LSAMP: variants seen among roughly 807,000 people sequenced by gnomAD.
LSAMP encodes the protein limbic system-associated membrane protein.
Under a neutral mutation model 38.6 loss-of-function variants are expected in LSAMP, and 7 were observed. The ratio of observed to expected loss-of-function variants is 0.18; its 90% CI spans 0.10 to 0.34. The LOEUF (loss-of-function observed/expected upper bound fraction) is 0.34. Ranked by LOEUF, LSAMP falls within the 10% of genes least tolerant of loss-of-function variation. The pLI, the probability that LSAMP is intolerant of heterozygous loss-of-function variation, is 1.00. For missense variants in LSAMP, 313 were observed against 420.0 expected, an observed-to-expected ratio of 0.75 and a Z score of 2.23; for synonymous variants, 154 against 166.8, an observed-to-expected ratio of 0.92 and a Z score of 0.59.
chr3:116,219,903 A>G (rs982859125), intron 1 of LSAMP, among the ~76,000 whole-genome samples: 2 of 152,190 alleles, frequency 1.3e-5, no homozygotes, highest in African/African-American at 2.4e-5. Flanking sequence ...AGCCGGGGAC[A>G]GTTGCTCACA....
chr3:116,296,657 T>C (rs1348382059), intron 1 of LSAMP, among the ~76,000 whole-genome samples: 2 of 119,940 alleles, frequency 1.7e-5, no homozygotes, highest in Non-Finnish European at 3.2e-5. Context: ...ATTGCGCCAC[T>C]GCACGCCAGC....
intron 1 of LSAMP, among the ~76,000 whole-genome samples, chr3:116,300,663 G>T (rs745623503): frequency 2.6e-4 from 40 of 152,266 alleles, no homozygotes; most frequent in Non-Finnish European, 4.3e-4. Flanking sequence ...AATACCTGAT[G>T]ATCTGAGACT....
chr3:116,052,256 G>A (rs1941410311), intron 2 of LSAMP, among the ~76,000 whole-genome samples: 1 of 152,080 alleles, frequency 6.6e-6, no homozygotes, highest in Non-Finnish European at 1.5e-5. Context: ...AAGTAGAAGT[G>A]GATGATAAAG....
intron 2 of LSAMP, among the ~76,000 whole-genome samples, chr3:116,040,447 C>T (rs995359276): frequency 9.9e-5 from 15 of 152,176 alleles, no homozygotes; most frequent in African/African-American, 3.6e-4. Context: ...TCATTTTTCC[C>T]TCTACATAAA....
intron 2 of LSAMP, among the ~76,000 whole-genome samples, chr3:116,063,101 G>GTGTGTC (rs1450589240): frequency 2.0e-5 from 3 of 152,132 alleles, no homozygotes; most frequent in African/African-American, 7.2e-5. Flanking sequence ...GTGTGTGTGT[G>GTGTGTC]TGTGTCTGTG....
chr3:116,267,611 CAAA>C (rs59540404), intron 1 of LSAMP, among the ~76,000 whole-genome samples: 25,697 of 140,082 alleles, frequency 0.18, 2,369 homozygotes, highest in Admixed American at 0.24. Context: ...TTTAAGCTGG[CAAA>C]AAAAAAAAAA....
intron 3 of LSAMP, among the ~76,000 whole-genome samples, chr3:115,876,526 CTT>C (rs1215883557): frequency 6.6e-6 from 1 of 151,944 alleles, no homozygotes; most frequent in Non-Finnish European, 1.5e-5. Flanking sequence ...CTATCTTACT[CTT>C]TTACTCCACT....
chr3:115,988,063 C>T (rs1939563931), intron 3 of LSAMP, among the ~76,000 whole-genome samples: 1 of 151,994 alleles, frequency 6.6e-6, no homozygotes. Flanking sequence ...CTTCATGATC[C>T]CATCTCCTCT....
intron 2 of LSAMP, among the ~76,000 whole-genome samples, chr3:116,039,715 G>A (rs1293471515): frequency 2.0e-5 from 3 of 152,138 alleles, no homozygotes; most frequent in Admixed American, 1.3e-4. Flanking sequence ...TGCTGGGTGG[G>A]GCATTACAAA....
intron 1 of LSAMP, among the ~76,000 whole-genome samples, chr3:116,408,336 T>C (rs1254212772): frequency 6.6e-5 from 10 of 152,154 alleles, no homozygotes; most frequent in Non-Finnish European, 1.0e-4. Context: ...TTATTTTCAT[T>C]CTTTGGAGAA....
At chr3:116,081,280 G>A (rs1041857230) in intron 2 of LSAMP, among the ~76,000 whole-genome samples, 46 of 152,090 alleles carry the variant, frequency 3.0e-4, no homozygotes, top group African/African-American at 1.1e-3. Flanking sequence ...TGGCCAACAT[G>A]ATGAAACCTC....
intron 3 of LSAMP, among the ~76,000 whole-genome samples, chr3:115,874,291 C>T (rs1936126018): frequency 6.6e-6 from 1 of 152,098 alleles, no homozygotes; most frequent in Non-Finnish European, 1.5e-5. Flanking sequence ...ATGCCCTCTC[C>T]TTTAGGAAGT....
intron 1 of LSAMP, among the ~76,000 whole-genome samples, chr3:116,384,560 C>T (rs1262313572): frequency 1.3e-5 from 2 of 151,926 alleles, no homozygotes; most frequent in African/African-American, 4.8e-5. Flanking sequence ...GACCCATTAG[C>T]CTAGGATACA....
At chr3:116,128,742 C>G (rs1006601132) in intron 1 of LSAMP, among the ~76,000 whole-genome samples, 3 of 1,290 alleles carry the variant, frequency 2.3e-3, no homozygotes, top group Non-Finnish European at 3.5e-3. Context: ...ATTTGATAAG[C>G]AAACTTAAAG....
intron 3 of LSAMP, 45 bp from the exon 4 acceptor site, chr3:115,852,662 A>G (rs1935371977): frequency 6.4e-7 from 1 of 1,559,940 alleles, no homozygotes; most frequent in Non-Finnish European, 8.7e-7. Context: ...AGTCTGAAAT[A>G]GGCAGTAGAT....
In LSAMP at chr3:116,129,147, T is replaced by C. The variant is rs563824856; in HGVS notation, c.156-42591A>G. Among the ~76,000 whole-genome samples the C allele has an allele frequency of 4.6e-5, 7 of 152,258 alleles. No homozygotes were observed. The South Asian group carries it at 1.5e-3, about 32-fold the overall frequency. ...ATTCATAGGATCTTGATGTGAATCA[T>C]TCGCAATGAGGAGTGTTAATAAAAA... On this transcript the variant is annotated intron_variant, in intron 1 of 6. Transcript: ENST00000490035.
chr3:115,979,641 A>T (rs1242896264), intron 3 of LSAMP, among the ~76,000 whole-genome samples: 2 of 152,054 alleles, frequency 1.3e-5, no homozygotes, highest in African/African-American at 2.4e-5. Flanking sequence ...CTTGGATTGA[A>T]CTTCCAAGGG....
chr3:115,881,667 C>T (rs1193329988), intron 3 of LSAMP, among the ~76,000 whole-genome samples: 1 of 152,028 alleles, frequency 6.6e-6, no homozygotes, highest in Non-Finnish European at 1.5e-5. Flanking sequence ...ACTGATTAAG[C>T]CAGATGGGAT....
intron 1 of LSAMP, among the ~76,000 whole-genome samples, chr3:116,107,449 T>C (rs577007265): frequency 1.2e-4 from 19 of 152,118 alleles, no homozygotes; most frequent in Non-Finnish European, 2.2e-4. Flanking sequence ...TCAAGTTGTT[T>C]GGACAGAAAG....
Sources: allele counts gnomAD v4.1 joint callset (sites outside exome capture counted in the v4.1 genomes callset), GRCh38; gene constraint gnomAD v4.1.1; transcripts MANE v1.5; gene names NCBI Gene and HGNC (gene_info 2026-07-23, HGNC 2026-07-21).